NOTCH2NLR: variants seen among roughly 807,000 people sequenced by gnomAD.
NOTCH2NLR encodes the protein notch 2 N-terminal like R (pseudogene).
A neutral mutation model predicts 35.6 loss-of-function variants in NOTCH2NLR; 33 were observed. That is an observed-to-expected ratio of 0.93 (90% confidence interval 0.70 to 1.24). The LOEUF (loss-of-function observed/expected upper bound fraction) is 1.24, where lower values mean the gene tolerates loss of function less well. NOTCH2NLR is among the 50% of genes most tolerant of loss of function. The probability of loss-of-function intolerance (pLI) is 0.00; values close to 1 mark genes in which losing one functional copy is unlikely to be tolerated. For synonymous variants in NOTCH2NLR, 103 were observed against 141.0 expected (o/e 0.73, Z 1.91); for missense variants, 276 against 362.2 (o/e 0.76, Z 1.93).
Position 120,781,784 on chromosome 1 carries a change from T to A in NOTCH2NLR, c.156-3190T>A, listed in dbSNP as rs1279999109. On this transcript the variant is annotated intron_variant, in intron 2 of 4. Transcript: ENST00000624419. ...TGTGTTAGCCAGGATGGTCTCGATC[T>A]CCTGACCTGGTGATCTGCCTGCCTC... Among the ~76,000 whole-genome samples, 130 of 116,800 alleles carry A rather than the reference T, an allele frequency of 1.1e-3. 23 individuals are homozygous for A. The highest frequency in any genetic ancestry group is 5.8e-3 in the African/African-American group (125 of 21,394). The allele number at this position is 116,800 out of a possible 152,430, so 76.6% of individuals were successfully genotyped here.
At chr1:120,724,404 C>T (rs1650792044) in intron 1 of NOTCH2NLR, among the ~76,000 whole-genome samples, 154 bp downstream of exon 1, 1 of 120,340 alleles carries the variant, frequency 8.3e-6, no homozygotes, top group Non-Finnish European at 1.6e-5. Flanking sequence ...GTTTGGACAT[C>T]GCCGGGGGCC....
chr1:120,724,181 C>A, exon 1 of NOTCH2NLR: 2 of 1,392,246 alleles, frequency 1.4e-6, no homozygotes, highest in East Asian at 2.5e-5. Flanking sequence ...CGAGAAGATG[C>A]CCGCCCTGCG....
chr1:120,752,569 TTTTTTC>T (rs1651035276), intron 1 of NOTCH2NLR, among the ~76,000 whole-genome samples: 11 of 33,490 alleles, frequency 3.3e-4, no homozygotes, highest in African/African-American at 1.4e-3. Flanking sequence ...TTTTTTTTTT[TTTTTTC>T]TTTTTTTTTT....
At position 120,724,748 on chromosome 1, in the gene NOTCH2NLR, T is replaced by G. The variant is rs1464486548; in HGVS notation, c.73+498T>G. Among the ~76,000 whole-genome samples, 4 of 117,282 alleles carry G rather than the reference T, an allele frequency of 3.4e-5. 1 individual carries two copies. Among genetic ancestry groups the G allele is most frequent in the Non-Finnish European group, 6.8e-5 (4 of 58,992 alleles). 76.9% of individuals were successfully genotyped at this position (117,282 alleles called of 152,430 possible). A position where few individuals can be genotyped will look rare whatever the true frequency, so the allele number is the denominator to read the frequency against. On this transcript the variant is annotated intron_variant, in intron 1 of 4. Coordinates refer to ENST00000624419, the Ensembl canonical transcript of NOTCH2NLR. ...GCCAGGGGGCGGCACATGGGCCGGG[T>G]GTGTGGGCTTGGTTTGGATGGGGAC...
At chr1:120,759,391 A>T (rs1651109982) in intron 1 of NOTCH2NLR, among the ~76,000 whole-genome samples, 1 of 43,782 alleles carries the variant, frequency 2.3e-5, no homozygotes, top group South Asian at 5.0e-4. Context: ...TTGGGGTTAA[A>T]TGTGACTCTT....
In NOTCH2NLR at chr1:120,791,646, G is replaced by A. The variant is rs1274964710; in HGVS notation, c.416-1515G>A. ...GGAACATCACAAACCGGGGCCTGTC[G>A]TGGGGTGGTGGGATGGGGGAGGGAT... On this transcript the variant is annotated intron_variant, in intron 3 of 4. Coordinates refer to ENST00000624419, the Ensembl canonical transcript of NOTCH2NLR. Among the ~76,000 whole-genome samples the A allele has an allele frequency of 1.7e-4, 6 of 35,244 alleles. 1 individual carries two copies. The highest frequency in any genetic ancestry group is 7.3e-4 in the Admixed American group (3 of 4,102). The allele number at this position is 35,244 out of a possible 152,430, so 23.1% of individuals were successfully genotyped here.
In NOTCH2NLR at chr1:120,790,559, T is replaced by A. The variant is rs1319135541; in HGVS notation, c.416-2602T>A. On this transcript the variant is annotated intron_variant, in intron 3 of 4. Coordinates refer to ENST00000624419, the Ensembl canonical transcript of NOTCH2NLR. ...CCCTTTCTTTCTTTCTTTCTTTCTT[T>A]CTTTCTTTCTTTCTTTCTTTCTTTC... 3.0e-4 allele frequency among the ~76,000 whole-genome samples: 31 copies of A among 102,002 alleles called. 5 individuals carry two copies. The highest frequency in any genetic ancestry group is 4.7e-4 in the Non-Finnish European group (26 of 55,356). 66.9% of individuals were successfully genotyped at this position (102,002 alleles called of 152,430 possible).
At chr1:120,759,267 CT>C (rs1169932555) in intron 1 of NOTCH2NLR, among the ~76,000 whole-genome samples, 6 of 33,288 alleles carry the variant, frequency 1.8e-4, no homozygotes, top group East Asian at 6.1e-4. Flanking sequence ...CTTCTTTTTG[CT>C]TTTTTTTTTT....
intron 1 of NOTCH2NLR, among the ~76,000 whole-genome samples, chr1:120,761,175 G>A (rs1367182982): frequency 7.9e-6 from 1 of 126,330 alleles, no homozygotes; most frequent in Non-Finnish European, 1.6e-5. Context: ...TGGGTTGCTT[G>A]TATTTCTCTG....
Position 120,793,758 on chromosome 1 carries a change from A to C in NOTCH2NLR, c.763A>C (p.Asn255His), listed in dbSNP as rs1478322412. Residue 255 changes from asparagine (N) to histidine (H), a missense_variant, in exon 5 of 5, where the codon AAT (asparagine) becomes CAT (histidine). Coordinates refer to ENST00000624419, the Ensembl canonical transcript of NOTCH2NLR. ...TGTCCCTTTTGTAGAAACAGTGAGA[A>C]ATAAGAGGAACAGAGCTCTGGGAAA... 174 of 897,250 alleles carry C rather than the reference A, an allele frequency of 1.9e-4. 31 individuals carry two copies. The highest frequency in any genetic ancestry group is 2.6e-4 in the Non-Finnish European group (153 of 586,242). 55.6% of individuals were successfully genotyped at this position (897,250 alleles called of 1,614,324 possible).
rs1339948862 is a variant in NOTCH2NLR at position 120,755,930 on chromosome 1, T to A, written c.74-7698T>A. On this transcript the variant is annotated intron_variant, in intron 1 of 4. Coordinates refer to ENST00000624419, the Ensembl canonical transcript of NOTCH2NLR. ...GAAAACAAAATCGATTTATCTCTTA[T>A]TGCTTTTTTTTTTTTTTTTTTTTTT... 2.1e-5 allele frequency among the ~76,000 whole-genome samples: 2 copies of A among 96,588 alleles called. 1 individual carries two copies. The highest frequency in any genetic ancestry group is 3.7e-5 in the Non-Finnish European group (2 of 53,596). 63.4% of individuals were successfully genotyped at this position (96,588 alleles called of 152,430 possible).
At chr1:120,744,070 G>A in intron 1 of NOTCH2NLR, among the ~76,000 whole-genome samples, 1 of 111,922 alleles carries the variant, frequency 8.9e-6, no homozygotes, top group Middle Eastern at 3.9e-3. Flanking sequence ...TAGCTCCCTG[G>A]AATTGCTATT....
rs1269162992 is a variant in NOTCH2NLR, at chr1:120,761,227, C to G, written c.74-2401C>G. On this transcript the variant is annotated intron_variant, in intron 1 of 4. Transcript: ENST00000624419. Reference sequence around the variant, plus strand: ...GATTTGTCAGGACACTTAATAGGAACAGGCCGTGATTTTTGCACCCATGGC... The same window carrying G: ...GATTTGTCAGGACACTTAATAGGAAGAGGCCGTGATTTTTGCACCCATGGC... Among the ~76,000 whole-genome samples, 17 of 122,088 alleles carry G rather than the reference C, an allele frequency of 1.4e-4. 2 individuals are homozygous for G. The highest frequency in any genetic ancestry group is 5.8e-4 in the African/African-American group (15 of 25,880). 80.1% of individuals were successfully genotyped at this position (122,088 alleles called of 152,430 possible).
At chr1:120,764,106 GT>G (rs1651163042) in intron 2 of NOTCH2NLR, among the ~76,000 whole-genome samples, 1 of 110,430 alleles carries the variant, frequency 9.1e-6, no homozygotes, top group Non-Finnish European at 1.7e-5. Flanking sequence ...AATTAGCCAG[GT>G]GTGGTGGCGC....
At position 120,734,424 on chromosome 1, in the gene NOTCH2NLR, G is replaced by A. The variant is rs1191767292; in HGVS notation, c.73+10174G>A. Among the ~76,000 whole-genome samples the A allele has an allele frequency of 3.3e-5, 3 of 89,596 alleles. 1 individual carries two copies. Among genetic ancestry groups the A allele is most frequent in the African/African-American group, 1.3e-4 (2 of 14,826 alleles). 58.8% of individuals were successfully genotyped at this position (89,596 alleles called of 152,430 possible). The stretch of plus-strand genomic sequence containing the variant: ...ATATTTTCTTTTTTTTTTTTTTAAT[G>A]GTGTAGTTCAGAAAACGCCAGTTAG... On this transcript the variant is annotated intron_variant, in intron 1 of 4. Transcript: ENST00000624419.
Position 120,792,743 on chromosome 1 carries a change from G to A in NOTCH2NLR, c.416-418G>A, listed in dbSNP as rs1302087719. Among the ~76,000 whole-genome samples, 2 of 103,190 alleles carry A rather than the reference G, an allele frequency of 1.9e-5. 1 individual carries two copies. Among genetic ancestry groups the A allele is most frequent in the Non-Finnish European group, 3.6e-5 (2 of 55,394 alleles). 67.7% of individuals were successfully genotyped at this position (103,190 alleles called of 152,430 possible). A position where few individuals can be genotyped will look rare whatever the true frequency, so the allele number is the denominator to read the frequency against. ...TCTTGAACTCCTTACCTCATGATCT[G>A]CCTGCCTCGGCCTCCCAAAGTGCTG... On this transcript the variant is annotated intron_variant, in intron 3 of 4. Transcript: ENST00000624419.
intron 2 of NOTCH2NLR, among the ~76,000 whole-genome samples, chr1:120,782,938 GT>G (rs1651383345): frequency 1.3e-5 from 1 of 76,392 alleles, no homozygotes; most frequent in Non-Finnish European, 2.3e-5. Flanking sequence ...AATGCATAGT[GT>G]TTACTATGTG....
intron 1 of NOTCH2NLR, among the ~76,000 whole-genome samples, chr1:120,727,806 T>TC (rs1429543597): frequency 2.6e-5 from 3 of 117,456 alleles, no homozygotes; most frequent in East Asian, 2.1e-4. Flanking sequence ...TGTTTTTGTT[T>TC]CCCCCCCTTT....
rs1343696606 is a variant in NOTCH2NLR at position 120,728,842 on chromosome 1, C to T, written c.73+4592C>T. Among the ~76,000 whole-genome samples, 5 of 110,104 alleles carry T rather than the reference C, an allele frequency of 4.5e-5. 1 individual carries two copies. The highest frequency in any genetic ancestry group is 8.5e-5 in the Non-Finnish European group (5 of 58,792). The allele number at this position is 110,104 out of a possible 152,430, so 72.2% of individuals were successfully genotyped here. ...TTTTTTTTTGAACCAAGAGAGTCCC[C>T]TGAACACCCTACTGACAAAAACTAA... On this transcript the variant is annotated intron_variant, in intron 1 of 4. Coordinates refer to ENST00000624419, the Ensembl canonical transcript of NOTCH2NLR.
Sources: gnomAD v4.1 joint callset for allele counts (sites outside exome capture counted in the v4.1 genomes callset) on GRCh38, gnomAD v4.1.1 for gene constraint, MANE v1.5 for transcripts, NCBI Gene and HGNC (gene_info 2026-07-23, HGNC 2026-07-21) for gene names.